The following SH3GL3 variants were observed in gnomAD, a reference collection of about 807,000 sequenced individuals.
SH3GL3 encodes endophilin-A3.
SH3GL3 carries 33 observed loss-of-function variants against 47.7 expected under a neutral mutation model. That is an observed-to-expected ratio of 0.69 (90% confidence interval 0.52 to 0.92). The LOEUF (loss-of-function observed/expected upper bound fraction) is 0.92, where lower values mean the gene tolerates loss of function less well. Ranked by LOEUF, SH3GL3 falls within the 40% of genes least tolerant of loss-of-function variation. The probability of loss-of-function intolerance (pLI) is 0.00; values close to 1 mark genes in which losing one functional copy is unlikely to be tolerated. For synonymous variants in SH3GL3, 155 were observed against 148.8 expected, an observed-to-expected ratio of 1.04 and a Z score of -0.30; for missense variants, 363 against 417.8, an observed-to-expected ratio of 0.87 and a Z score of 1.14.
At chr15:83,542,115 G>A (rs1203196631) in intron 1 of SH3GL3, among the ~76,000 whole-genome samples, 1 of 152,150 alleles carries the variant, frequency 6.6e-6, no homozygotes, top group Non-Finnish European at 1.5e-5. Flanking sequence ...TTAGATTTAA[G>A]CCTTTAATCC....
chr15:83,593,187 AT>A (rs2060151809), intron 8 of SH3GL3, among the ~76,000 whole-genome samples: 1 of 152,116 alleles, frequency 6.6e-6, no homozygotes, highest in Non-Finnish European at 1.5e-5. Flanking sequence ...GTTACTTTGC[AT>A]TTTCATGTGA....
chr15:83,533,872 T>C (rs1412574182), intron 1 of SH3GL3, among the ~76,000 whole-genome samples: 1 of 152,198 alleles, frequency 6.6e-6, no homozygotes, highest in Non-Finnish European at 1.5e-5. Flanking sequence ...CCAATTTGTC[T>C]TCCCTCTGGT....
chr15:83,464,756 C>T (rs2040481941), intron 1 of SH3GL3, among the ~76,000 whole-genome samples: 1 of 152,110 alleles, frequency 6.6e-6, no homozygotes, highest in Admixed American at 6.5e-5. Flanking sequence ...CTGCTACTAT[C>T]ACCTTGGTCC....
intron 8 of SH3GL3, among the ~76,000 whole-genome samples, chr15:83,610,984 T>A (rs370736946): frequency 1.5e-4 from 21 of 142,120 alleles, no homozygotes; most frequent in Admixed American, 8.4e-4. Context: ...CCAAAAAATA[T>A]ATATATATAT....
chr15:83,483,523 C>G (rs113205082), intron 1 of SH3GL3, among the ~76,000 whole-genome samples: 2 of 152,166 alleles, frequency 1.3e-5, no homozygotes, highest in African/African-American at 4.8e-5. Context: ...ATCATGAGGA[C>G]GGCTTCCTGT....
intron 6 of SH3GL3, among the ~76,000 whole-genome samples, chr15:83,581,605 A>G (rs1274088586): frequency 6.6e-6 from 1 of 152,172 alleles, no homozygotes; most frequent in Non-Finnish European, 1.5e-5. Flanking sequence ...CTTTCCTTGC[A>G]GTGTCTAGGT....
intron 1 of SH3GL3, among the ~76,000 whole-genome samples, chr15:83,541,397 G>A (rs1046381593): frequency 6.8e-5 from 9 of 131,798 alleles, no homozygotes; most frequent in African/African-American, 2.6e-4. Flanking sequence ...GCAGTGGCGC[G>A]ATCTCGGCTC....
intron 1 of SH3GL3, among the ~76,000 whole-genome samples, chr15:83,538,051 A>G (rs550844348): frequency 5.9e-5 from 9 of 152,298 alleles, no homozygotes; most frequent in Admixed American, 5.9e-4. Flanking sequence ...TCGTGCTGCT[A>G]TAATGATTAA....
chr15:83,494,167 C>T (rs2041989276), intron 1 of SH3GL3, among the ~76,000 whole-genome samples: 1 of 152,160 alleles, frequency 6.6e-6, no homozygotes, highest in Non-Finnish European at 1.5e-5. Context: ...AGGTGGGTCT[C>T]CTGCCCAAGG....
Position 83,514,938 on chromosome 15 carries a change from G to A in SH3GL3, c.46-44315G>A, listed in dbSNP as rs2042919184. On this transcript the variant is annotated intron_variant, in intron 1 of 8. Transcript: ENST00000427482. ...ATGAGAAGGCAATGCGAGGATGGAA[G>A]CAAGAGATTGGAGTGATGTGAAGGA... Among the ~76,000 whole-genome samples, 3 of 152,174 alleles carry A rather than the reference G, an allele frequency of 2.0e-5. No individual in the cohort carries two copies. The South Asian group carries it at 6.2e-4, about 32-fold the overall frequency.
At chr15:83,507,216 A>G (rs541467848) in intron 1 of SH3GL3, among the ~76,000 whole-genome samples, 13 of 151,806 alleles carry the variant, frequency 8.6e-5, no homozygotes, top group Admixed American at 1.3e-4. Flanking sequence ...CACCGTGTTA[A>G]CCAGGATGGT....
chr15:83,607,674 G>A (rs2060554380), intron 8 of SH3GL3, among the ~76,000 whole-genome samples: 1 of 152,004 alleles, frequency 6.6e-6, no homozygotes, highest in South Asian at 2.1e-4. Flanking sequence ...ATGTTTATGT[G>A]ACATCTCCTG....
At chr15:83,529,851 C>CA (rs1267869586) in intron 1 of SH3GL3, among the ~76,000 whole-genome samples, 1 of 152,154 alleles carries the variant, frequency 6.6e-6, no homozygotes, top group Non-Finnish European at 1.5e-5. Flanking sequence ...AGCCTGTCCT[C>CA]AGAGTGCATG....
intron 1 of SH3GL3, among the ~76,000 whole-genome samples, chr15:83,536,663 C>G (rs1257096010): frequency 6.6e-6 from 1 of 152,106 alleles, no homozygotes; most frequent in Non-Finnish European, 1.5e-5. Flanking sequence ...GCTGGGATTA[C>G]AGGTGTAAGC....
intron 1 of SH3GL3, among the ~76,000 whole-genome samples, chr15:83,524,881 T>C (rs2043349964): frequency 6.6e-6 from 1 of 152,222 alleles, no homozygotes; most frequent in South Asian, 2.1e-4. Context: ...CCATTGTGTA[T>C]ATATTCCACA....
chr15:83,456,674 C>G (rs899072435), intron 1 of SH3GL3, among the ~76,000 whole-genome samples: 1 of 143,372 alleles, frequency 7.0e-6, no homozygotes. Flanking sequence ...GGCTCGCGCA[C>G]GGTGCGCACA....
intron 1 of SH3GL3, among the ~76,000 whole-genome samples, chr15:83,511,617 G>C (rs1261775019): frequency 1.3e-5 from 2 of 151,812 alleles, no homozygotes; most frequent in African/African-American, 4.8e-5. Context: ...CTACTACTAC[G>C]GGTATTTACT....
In SH3GL3 at chr15:83,552,857, A is replaced by G. The variant is rs145306426; in HGVS notation, c.46-6396A>G. ...TTTCACTATTTCAGTTTTGCTTTAT[A>G]TTTTTTGGAGGTTATACTAATAGTG... On this transcript the variant is annotated intron_variant, in intron 1 of 8. Coordinates refer to ENST00000427482, the MANE Select transcript of SH3GL3 (RefSeq NM_003027.5). Among the ~76,000 whole-genome samples the G allele has an allele frequency of 4.5e-3, 680 of 152,186 alleles. 2 individuals carry two copies. The highest frequency in any genetic ancestry group is 7.4e-3 in the Admixed American group (113 of 15,288).
intron 1 of SH3GL3, among the ~76,000 whole-genome samples, chr15:83,509,399 T>G (rs2042651889): frequency 6.6e-6 from 1 of 152,226 alleles, no homozygotes; most frequent in African/African-American, 2.4e-5. Context: ...TCTAAATGGT[T>G]GCTGTGGCTT....
Sources: gnomAD v4.1 joint callset for allele counts (sites outside exome capture counted in the v4.1 genomes callset) on GRCh38, gnomAD v4.1.1 for gene constraint, MANE v1.5 for transcripts, NCBI Gene and HGNC (gene_info 2026-07-23, HGNC 2026-07-21) for gene names.